The following DACH1 variants were observed in gnomAD, a reference collection of about 807,000 sequenced individuals.
DACH1 encodes dachshund family transcription factor 1, also known as dachshund homolog 1.
A neutral mutation model predicts 54.2 loss-of-function variants in DACH1; 12 were observed. The ratio of observed to expected loss-of-function variants is 0.22; its 90% CI spans 0.14 to 0.36. DACH1 has a LOEUF of 0.36. Ranked by LOEUF, DACH1 falls within the 10% of genes least tolerant of loss-of-function variation. DACH1 has a pLI of 1.00. For synonymous variants in DACH1, 386 were observed against 366.2 expected (o/e 1.05, Z -0.62); for missense variants, 805 against 929.8 (o/e 0.87, Z 1.75).
chr13:71,646,891 G>T (rs1878311901), intron 2 of DACH1, among the ~76,000 whole-genome samples: 1 of 152,174 alleles, frequency 6.6e-6, no homozygotes, highest in Non-Finnish European at 1.5e-5. Flanking sequence ...GGATTCTGCT[G>T]AATTTCAAAA....
chr13:71,827,450 G>C (rs1888423697), intron 1 of DACH1, among the ~76,000 whole-genome samples: 1 of 152,088 alleles, frequency 6.6e-6, no homozygotes, highest in Non-Finnish European at 1.5e-5. Context: ...TAATTGGTAA[G>C]GCATCTTTGG....
At chr13:71,583,472 G>A (rs972336436) in intron 3 of DACH1, among the ~76,000 whole-genome samples, 2 of 152,156 alleles carry the variant, frequency 1.3e-5, no homozygotes, top group East Asian at 1.9e-4. Context: ...TCAAATTATC[G>A]TTATCTAGAA....
chr13:71,521,625 T>C (rs1593829808), intron 6 of DACH1, among the ~76,000 whole-genome samples: 1 of 152,128 alleles, frequency 6.6e-6, no homozygotes. Context: ...TTTGACACTA[T>C]GAAGCCATAA....
chr13:71,744,694 G>A lies in DACH1; in HGVS notation c.849-62784C>T, dbSNP rs573867852. Among the ~76,000 whole-genome samples, 4 of 152,238 alleles carry A rather than the reference G, an allele frequency of 2.6e-5. No individual in the cohort carries two copies. The East Asian group carries it at 7.7e-4, about 29-fold the overall frequency. Reference sequence around the variant, plus strand: ...AATATTACACATGGGTGCCCACTTTGGTTGGGATTTAAACATTTCTATGAA... The same window carrying A: ...AATATTACACATGGGTGCCCACTTTAGTTGGGATTTAAACATTTCTATGAA... On this transcript the variant is annotated intron_variant, in intron 1 of 10. Coordinates refer to ENST00000613252, the MANE Select transcript of DACH1 (RefSeq NM_080759.6).
At chr13:71,833,395 T>C (rs190663078) in intron 1 of DACH1, among the ~76,000 whole-genome samples, 112 of 152,176 alleles carry the variant, frequency 7.4e-4, no homozygotes, top group African/African-American at 2.6e-3. Flanking sequence ...TTTGAAAGCA[T>C]CCGTTAACCT....
At chr13:71,443,865 T>G (rs1384577990) in intron 10 of DACH1, among the ~76,000 whole-genome samples, 4 of 152,142 alleles carry the variant, frequency 2.6e-5, no homozygotes, top group Admixed American at 6.6e-5. Flanking sequence ...GCCATATAAT[T>G]TAGGTAAAAA....
chr13:71,438,682 C>CA lies in DACH1; in HGVS notation c.*1972dup, dbSNP rs1232908852. 2 of 152,276 alleles carry CA rather than the reference C, an allele frequency of 1.3e-5. No homozygotes were observed. Among genetic ancestry groups the CA allele is most frequent in the African/African-American group, 4.8e-5 (2 of 41,384 alleles). 9.4% of individuals were successfully genotyped at this position (152,276 alleles called of 1,614,324 possible). A position where few individuals can be genotyped will look rare whatever the true frequency, so the allele number is the denominator to read the frequency against. On this transcript the variant is annotated 3_prime_UTR_variant, in exon 11 of 11. Transcript: ENST00000613252. ...GTTGTAGGCTTTTTTAAAAATCTTT[C>CA]AAAAAATGTATGATGCAAAAAGCTT...
intron 1 of DACH1, among the ~76,000 whole-genome samples, chr13:71,691,902 A>G (rs1881494960): frequency 1.3e-5 from 2 of 152,004 alleles, no homozygotes; most frequent in Admixed American, 6.6e-5. Flanking sequence ...GGACAAAGTC[A>G]TGGGGGTGCT....
rs1410989284 is a variant in DACH1, at chr13:71,439,785, T to C, written c.*870A>G. ...AACATATTTTCTAAAATTTTCATTTTCCTAAACTCTAGTATACTACTGCAT... is the reference window on the plus strand; with the variant it reads ...AACATATTTTCTAAAATTTTCATTTCCCTAAACTCTAGTATACTACTGCAT... On this transcript the variant is annotated 3_prime_UTR_variant, in exon 11 of 11. Coordinates refer to ENST00000613252, the MANE Select transcript of DACH1 (RefSeq NM_080759.6). 1 of 152,466 alleles carries C rather than the reference T, an allele frequency of 6.6e-6. No individual in the cohort carries two copies. The highest frequency in any genetic ancestry group is 2.4e-5 in the African/African-American group (1 of 41,436). 9.4% of individuals were successfully genotyped at this position (152,466 alleles called of 1,614,324 possible). A position where few individuals can be genotyped will look rare whatever the true frequency, so the allele number is the denominator to read the frequency against.
intron 1 of DACH1, among the ~76,000 whole-genome samples, chr13:71,694,182 T>G (rs562547029): frequency 2.6e-5 from 4 of 151,182 alleles, no homozygotes; most frequent in Non-Finnish European, 5.9e-5. Context: ...CTAATTTGTT[T>G]GAGAAACCTG....
intron 3 of DACH1, among the ~76,000 whole-genome samples, chr13:71,579,112 T>C (rs1885709154): frequency 6.6e-6 from 1 of 152,128 alleles, no homozygotes; most frequent in Non-Finnish European, 1.5e-5. Flanking sequence ...GTGAAACTCT[T>C]GCCATACCAG....
rs1879588306 is a variant in DACH1 at position 71,497,978 on chromosome 13, T to C, written c.1571-8830A>G. Among the ~76,000 whole-genome samples the C allele has an allele frequency of 2.0e-5, 3 of 151,662 alleles. No homozygotes were observed. In the South Asian group the frequency reaches 6.3e-4, roughly 32 times the overall value. ...TAGACTGTGAATAACATAAAACCAC[T>C]TAAGAGGCTTCTTGGATATACTTCA... is the stretch of plus-strand genomic sequence containing the variant. On this transcript the variant is annotated intron_variant, in intron 6 of 10. Transcript: ENST00000613252.
rs558328778 is a variant in DACH1, at chr13:71,844,486, A to G, written c.848+21436T>C. On this transcript the variant is annotated intron_variant, in intron 1 of 10. Transcript: ENST00000613252. ...TTAAAAAGAGGGGAGGCATTGCTAA[A>G]TATTTTATAGAAATACTATACCTCC... Among the ~76,000 whole-genome samples the G allele has an allele frequency of 2.3e-3, 350 of 152,330 alleles. 1 individual carries two copies. The highest frequency in any genetic ancestry group is 7.8e-3 in the African/African-American group (324 of 41,578).
chr13:71,539,964 A>C (rs1033866214), intron 6 of DACH1, among the ~76,000 whole-genome samples: 1 of 152,062 alleles, frequency 6.6e-6, no homozygotes, highest in Non-Finnish European at 1.5e-5. Flanking sequence ...TCATATTCTT[A>C]ATTGCATCAA....
intron 6 of DACH1, among the ~76,000 whole-genome samples, chr13:71,505,370 T>C (rs1259612104): frequency 6.6e-6 from 1 of 152,156 alleles, no homozygotes; most frequent in Non-Finnish European, 1.5e-5. Context: ...CGTAAGCCAC[T>C]GCGCCCAGCC....
Position 71,596,865 on chromosome 13 carries a change from T to G in DACH1, c.1127-23853A>C, listed in dbSNP as rs138117184. Among the ~76,000 whole-genome samples, 1,318 of 152,250 alleles carry G rather than the reference T, an allele frequency of 8.7e-3. 18 individuals carry two copies. Among genetic ancestry groups the G allele is most frequent in the African/African-American group, 0.029 (1,214 of 41,540 alleles). On this transcript the variant is annotated intron_variant, in intron 3 of 10. Transcript: ENST00000613252. ...TTCAAAATTTGTGGGCAAATAGGTATATAGCTAGGACTTTCAAGGAGAGGT... is the reference window on the plus strand; with the variant it reads ...TTCAAAATTTGTGGGCAAATAGGTAGATAGCTAGGACTTTCAAGGAGAGGT...
At chr13:71,517,585 C>G (rs1385155998) in intron 6 of DACH1, among the ~76,000 whole-genome samples, 1 of 151,744 alleles carries the variant, frequency 6.6e-6, no homozygotes, top group Non-Finnish European at 1.5e-5. Context: ...TTAACAATAA[C>G]AAAGGTGCAC....
intron 1 of DACH1, among the ~76,000 whole-genome samples, chr13:71,798,360 A>C (rs1193492495): frequency 5.1e-5 from 6 of 118,202 alleles, no homozygotes; most frequent in Non-Finnish European, 8.7e-5. Context: ...ATATATATAT[A>C]TATCCATTAC....
chr13:71,586,739 G>GA (rs1044938539), intron 3 of DACH1, among the ~76,000 whole-genome samples: 1 of 152,058 alleles, frequency 6.6e-6, no homozygotes, highest in African/African-American at 2.4e-5. Context: ...TCTTCAGCCT[G>GA]AAAAAATCAA....
Sources: allele counts gnomAD v4.1 joint callset (sites outside exome capture counted in the v4.1 genomes callset), GRCh38; gene constraint gnomAD v4.1.1; transcripts MANE v1.5; gene names NCBI Gene and HGNC (gene_info 2026-07-23, HGNC 2026-07-21).